Variants in RBM12 observed in about 807,000 individuals in gnomAD.
The protein encoded by RBM12 is RNA binding motif protein 12.
RBM12 carries 24 observed loss-of-function variants against 37.2 expected under a neutral mutation model. The observed-to-expected ratio is 0.65, with a 90% CI of 0.47 to 0.91. The LOEUF (loss-of-function observed/expected upper bound fraction) is 0.91. Ranked by LOEUF, RBM12 falls within the 40% of genes least tolerant of loss-of-function variation. The probability of loss-of-function intolerance (pLI) is 0.00; values close to 1 mark genes in which losing one functional copy is unlikely to be tolerated. For synonymous variants in RBM12, 420 were observed against 425.2 expected (o/e 0.99, Z 0.15); for missense variants, 1,061 against 1,183.2 (o/e 0.90, Z 1.52).
chr20:35,653,695 T>A lies in RBM12; in HGVS notation c.1628A>T (p.Lys543Ile). The A allele has an allele frequency of 1.9e-6, 3 of 1,614,210 alleles. No homozygotes were observed. Among genetic ancestry groups the A allele is most frequent in the Non-Finnish European group, 2.5e-6 (3 of 1,180,044 alleles). ...AATATTTGTTATGTGGGCACAGACTTTGGCAGAGTTGACATCCCCCTCTGG... is the reference window on the plus strand; with the variant it reads ...AATATTTGTTATGTGGGCACAGACTATGGCAGAGTTGACATCCCCCTCTGG... ...LNPEGDVNSA[K>I]VCAHITNIPF... The change falls in exon 3 of 3, where the codon AAA becomes ATA. Residue 543 changes from lysine to isoleucine, a missense_variant. Around this residue, in one of 3 missense-constraint regions of RBM12, gnomAD observed 517 missense variants for 534.0 expected, o/e 0.97. Coordinates refer to ENST00000374114, the MANE Select transcript of RBM12 (RefSeq NM_006047.6).
rs1220184709 is a variant in RBM12, at chr20:35,653,992, T to C, written c.1331A>G (p.Lys444Arg). 3.1e-6 allele frequency: 5 copies of C among 1,614,110 alleles called. No homozygotes were observed. Among genetic ancestry groups the C allele is most frequent in the Non-Finnish European group, 4.2e-6 (5 of 1,180,058 alleles). Residue 444 changes from lysine to arginine, a missense_variant, in exon 3 of 3, where the codon AAA (lysine) becomes AGA (arginine). Physicochemically the swap from Lys to Arg is conservative, Grantham distance 26. This residue lies in a region of RBM12 where 540 missense variants were observed against 632.7 expected (regional missense o/e 0.85). Coordinates refer to ENST00000374114, the MANE Select transcript of RBM12 (RefSeq NM_006047.6). ...LKGLPFEAEN[K>R]HVIDFFKKLD... ...CTTTTTAAAAAAATCAATGACATGTTTGTTTTCTGCTTCAAATGGTAGCCC... is the reference window on the plus strand; with the variant it reads ...CTTTTTAAAAAAATCAATGACATGTCTGTTTTCTGCTTCAAATGGTAGCCC...
In RBM12 at chr20:35,653,369, T is replaced by C; in HGVS notation, c.1954A>G (p.Met652Val). The C allele has an allele frequency of 6.2e-7, 1 of 1,614,152 alleles. No homozygotes were observed. Among genetic ancestry groups the C allele is most frequent in the Non-Finnish European group, 8.5e-7 (1 of 1,180,000 alleles). ...ACACCGGGCAGTCCCGCATTGGGCATTCCTGGAACTGCAGGATTACCTGGC... is the reference window on the plus strand; with the variant it reads ...ACACCGGGCAGTCCCGCATTGGGCACTCCTGGAACTGCAGGATTACCTGGC... ...PVPGNPAVPGMPNAGLPGVGL... is the reference protein window; with the variant it reads ...PVPGNPAVPGVPNAGLPGVGL... The change falls in exon 3 of 3, where the codon ATG becomes GTG. Residue 652 changes from methionine (M) to valine (V), a missense_variant. Physicochemically the swap from Met to Val is conservative, Grantham distance 21. Coordinates refer to ENST00000374114, the MANE Select transcript of RBM12 (RefSeq NM_006047.6).
chr20:35,663,585 C>A (rs1425668375), intron 1 of RBM12, among the ~76,000 whole-genome samples: 2 of 152,154 alleles, frequency 1.3e-5, no homozygotes, highest in East Asian at 3.8e-4. Context: ...CTCTGAGAAT[C>A]CTGGAGCCAA....
At chr20:35,657,600 A>C (rs1409865407) in intron 2 of RBM12, among the ~76,000 whole-genome samples, 1 of 152,230 alleles carries the variant, frequency 6.6e-6, no homozygotes, top group African/African-American at 2.4e-5. Flanking sequence ...TGTTAAGAGC[A>C]GGGATTTACT....
Position 35,654,823 on chromosome 20 carries a change from C to G in RBM12, c.500G>C (p.Gly167Ala), listed in dbSNP as rs377638971. The G allele has an allele frequency of 2.8e-5, 46 of 1,614,058 alleles. No individual in the cohort carries two copies. Among genetic ancestry groups the G allele is most frequent in the Non-Finnish European group, 3.5e-5 (41 of 1,180,034 alleles). ...AACAGTTGAGCTAAACGTTGGGCTC[C>G]CAAAGGAAGCCCCCATATTTGGAGG... ...TAPPNMGASFGSPTFSSTVPS... is the reference protein window; with the variant it reads ...TAPPNMGASFASPTFSSTVPS... The change falls in exon 3 of 3, where the codon GGG becomes GCG. Residue 167 changes from glycine (G) to alanine (A), a missense_variant. Around this residue, in one of 3 missense-constraint regions of RBM12, gnomAD observed 540 missense variants for 632.7 expected, o/e 0.85. Coordinates refer to ENST00000374114, the MANE Select transcript of RBM12 (RefSeq NM_006047.6).
In RBM12 at chr20:35,655,233, A is replaced by G. The variant is rs770589508; in HGVS notation, c.90T>C (p.Asp30=). ...CACCCCCTACAATATGCACGCCCCC[A>G]TCAGGAATGGTCAATCCAGAGAAGA... is the stretch of plus-strand genomic sequence containing the variant. ...RHFFSGLTIP[D]GGVHIVGGEL... Residue 30 remains aspartate, a synonymous_variant, in exon 3 of 3, where the codon GAT becomes GAC. Transcript: ENST00000374114. The G allele has an allele frequency of 2.5e-6, 4 of 1,613,926 alleles. No individual in the cohort carries two copies. In the Admixed American group the frequency reaches 6.7e-5, roughly 27 times the overall value.
At chr20:35,657,472 G>C (rs2033965514) in intron 2 of RBM12, among the ~76,000 whole-genome samples, 1 of 152,054 alleles carries the variant, frequency 6.6e-6, no homozygotes, top group Non-Finnish European at 1.5e-5. Context: ...ACTTGAGAGA[G>C]AGAGAGAGAC....
At chr20:35,659,083 T>A (rs2034078962) in intron 1 of RBM12, 69 bp from the exon 2 acceptor site, 1 of 634,802 alleles carries the variant, frequency 1.6e-6, no homozygotes, top group South Asian at 1.9e-5. Flanking sequence ...CAGGCCACAC[T>A]GTACATTACG....
At position 35,652,878 on chromosome 20, in the gene RBM12, G is replaced by C; in HGVS notation, c.2445C>G (p.Ala815=). The C allele has an allele frequency of 1.2e-6, 2 of 1,613,328 alleles. No homozygotes were observed. The highest frequency in any genetic ancestry group is 1.7e-6 in the Non-Finnish European group (2 of 1,179,800). Reference sequence around the variant, plus strand: ...CTGGTGGCCCACCCAAATGCCCAGGGGCACTTCCAAGACCAGGAGGGCCAC... The same window carrying C: ...CTGGTGGCCCACCCAAATGCCCAGGCGCACTTCCAAGACCAGGAGGGCCAC... ...FGSGPPGLGS[A]PGHLGGPPAF... Residue 815 remains alanine, a synonymous_variant, in exon 3 of 3, where the codon GCC becomes GCG. Transcript: ENST00000374114.
At chr20:35,659,114 A>G (rs554811110) in intron 1 of RBM12, 100 bp from the exon 2 acceptor site, 60 of 478,988 alleles carry the variant, frequency 1.3e-4, no homozygotes, top group African/African-American at 1.2e-3. Context: ...TGAAACCACC[A>G]GAGTACTTCA....
chr20:35,658,081 T>TA (rs111472845), intron 2 of RBM12, among the ~76,000 whole-genome samples: 2 of 151,386 alleles, frequency 1.3e-5, no homozygotes, highest in East Asian at 1.9e-4. Flanking sequence ...AATAAAAATT[T>TA]AAAAAAAAAT....
rs1430334688 is a variant in RBM12, at chr20:35,650,236, G to A, written c.*2288C>T. Reference sequence around the variant, plus strand: ...GTTCTCTCCAATTTCTACACAAACCGCTCTTTTAATTTATTTAATTAGATG... The same window carrying A: ...GTTCTCTCCAATTTCTACACAAACCACTCTTTTAATTTATTTAATTAGATG... On this transcript the variant is annotated 3_prime_UTR_variant, in exon 3 of 3. Transcript: ENST00000374114. 2.0e-5 allele frequency: 3 copies of A among 152,118 alleles called. No individual in the cohort carries two copies. The highest frequency in any genetic ancestry group is 4.4e-5 in the Non-Finnish European group (3 of 67,984). 9.4% of individuals were successfully genotyped at this position (152,118 alleles called of 1,614,324 possible).
At chr20:35,663,920 G>A (rs1266797327) in intron 1 of RBM12, among the ~76,000 whole-genome samples, 1 of 152,088 alleles carries the variant, frequency 6.6e-6, no homozygotes, top group East Asian at 1.9e-4. Context: ...CCCACCCTCC[G>A]CAGCCCACTG....
intron 1 of RBM12, among the ~76,000 whole-genome samples, chr20:35,664,190 G>A (rs1382953040): frequency 6.6e-6 from 1 of 152,070 alleles, no homozygotes; most frequent in African/African-American, 2.4e-5. Flanking sequence ...TCCACCTTCA[G>A]GCCACGAAGG....
intron 2 of RBM12, among the ~76,000 whole-genome samples, chr20:35,656,039 C>T (rs2033880139): frequency 6.6e-6 from 1 of 152,132 alleles, no homozygotes; most frequent in African/African-American, 2.4e-5. Flanking sequence ...GCCAAAAGAA[C>T]TACTGAATAG....
In RBM12 at chr20:35,654,509, G is replaced by A; in HGVS notation, c.814C>T (p.Leu272=). The change falls in exon 3 of 3, where the codon CTG becomes TTG. Residue 272 remains leucine, a synonymous_variant. Coordinates refer to ENST00000374114, the MANE Select transcript of RBM12 (RefSeq NM_006047.6). The part of the protein sequence containing the change: ...SGAPMNLNNN[L]NPMFLGPLNP... ...AACGGACCAAGAAACATAGGATTCAGATTATTGTTCAAATTCATAGGTGCT... is the reference window on the plus strand; with the variant it reads ...AACGGACCAAGAAACATAGGATTCAAATTATTGTTCAAATTCATAGGTGCT... 3 of 1,614,218 alleles carry A rather than the reference G, an allele frequency of 1.9e-6. No homozygotes were observed. Among genetic ancestry groups the A allele is most frequent in the Non-Finnish European group, 2.5e-6 (3 of 1,180,036 alleles).
In RBM12 at chr20:35,652,276, G is replaced by C. The variant is rs1254588592; in HGVS notation, c.*248C>G. On this transcript the variant is annotated 3_prime_UTR_variant, in exon 3 of 3. Coordinates refer to ENST00000374114, the MANE Select transcript of RBM12 (RefSeq NM_006047.6). ...TGTGGTCATTTGAGTTTTACAAATG[G>C]TTTCTCTAATGGTATGCCAAAATCA... The C allele has an allele frequency of 2.6e-6, 1 of 377,414 alleles. No individual in the cohort carries two copies. The highest frequency in any genetic ancestry group is 2.1e-5 in the African/African-American group (1 of 47,842). 23.4% of individuals were successfully genotyped at this position (377,414 alleles called of 1,614,324 possible).
Position 35,654,919 on chromosome 20 carries a change from G to A in RBM12, c.404C>T (p.Thr135Ile). Residue 135 changes from threonine (T) to isoleucine (I), a missense_variant, in exon 3 of 3, where the codon ACT (threonine) becomes ATT (isoleucine). Around this residue, in one of 3 missense-constraint regions of RBM12, gnomAD observed 540 missense variants for 632.7 expected, o/e 0.85. Coordinates refer to ENST00000374114, the MANE Select transcript of RBM12 (RefSeq NM_006047.6). Reference protein sequence around the residue: ...NFNNPSPSVVTATTSVHESNK... With the variant: ...NFNNPSPSVVIATTSVHESNK... ...GCTTTCATGAACAGAAGTGGTGGCA[G>A]TAACTACACTGGGTGATGGATTATT... 2.5e-6 allele frequency: 4 copies of A among 1,614,172 alleles called. No individual in the cohort carries two copies. Among genetic ancestry groups the A allele is most frequent in the Non-Finnish European group, 3.4e-6 (4 of 1,180,030 alleles).
chr20:35,662,603 T>C (rs1601501168), intron 1 of RBM12, among the ~76,000 whole-genome samples: 1 of 152,214 alleles, frequency 6.6e-6, no homozygotes, highest in African/African-American at 2.4e-5. Context: ...CTACTGACAC[T>C]TGGTTCTTCC....
Sources: allele counts gnomAD v4.1 joint callset (sites outside exome capture counted in the v4.1 genomes callset), GRCh38; gene constraint gnomAD v4.1.1; regional missense constraint gnomAD v4.1.1; transcripts MANE v1.5; gene names NCBI Gene and HGNC (gene_info 2026-07-23, HGNC 2026-07-21).